Variants in TAFA1 observed in about 807,000 individuals in gnomAD.
TAFA1 encodes the protein TAFA chemokine like family member 1.
A neutral mutation model predicts 18.5 loss-of-function variants in TAFA1; 4 were observed. The ratio of observed to expected loss-of-function variants is 0.22; its 90% CI spans 0.11 to 0.49. The LOEUF (loss-of-function observed/expected upper bound fraction) is 0.49, where lower values mean the gene tolerates loss of function less well. TAFA1 is among the 20% of genes least tolerant of loss of function. The probability of loss-of-function intolerance (pLI) is 0.98; values close to 1 mark genes in which losing one functional copy is unlikely to be tolerated. For synonymous variants in TAFA1, 56 were observed against 55.2 expected (o/e 1.01, Z -0.06); for missense variants, 147 against 169.0 (o/e 0.87, Z 0.72).
At chr3:68,342,929 A>G (rs2069108320) in intron 2 of TAFA1, among the ~76,000 whole-genome samples, 1 of 152,210 alleles carries the variant, frequency 6.6e-6, no homozygotes, top group Non-Finnish European at 1.5e-5. Flanking sequence ...GATTCTTCAC[A>G]CACACAAAGT....
chr3:68,176,971 T>C (rs2066134603), intron 2 of TAFA1, among the ~76,000 whole-genome samples: 1 of 152,156 alleles, frequency 6.6e-6, no homozygotes, highest in South Asian at 2.1e-4. Flanking sequence ...CTTGGTGGCA[T>C]TTGAATTAAG....
intron 2 of TAFA1, among the ~76,000 whole-genome samples, chr3:68,168,884 T>C (rs1306186035): frequency 6.6e-6 from 1 of 152,232 alleles, no homozygotes; most frequent in Non-Finnish European, 1.5e-5. Context: ...CTACCTTCTC[T>C]GAACTTTTGA....
intron 2 of TAFA1, among the ~76,000 whole-genome samples, chr3:68,304,344 T>C (rs4855329): frequency 0.82 from 124,641 of 152,170 alleles, 51,415 homozygotes; most frequent in East Asian, 0.91. Context: ...AAATCTTCTT[T>C]GTAAAGTTTT....
At chr3:68,532,745 G>T (rs372945516) in intron 3 of TAFA1, among the ~76,000 whole-genome samples, 1 of 151,926 alleles carries the variant, frequency 6.6e-6, no homozygotes, top group Non-Finnish European at 1.5e-5. Flanking sequence ...TAACCTGAAG[G>T]TTTTCAGGTA....
At chr3:68,279,859 A>G (rs1337611435) in intron 2 of TAFA1, among the ~76,000 whole-genome samples, 4 of 152,178 alleles carry the variant, frequency 2.6e-5, no homozygotes, top group Admixed American at 2.6e-4. Context: ...GAGAACCATA[A>G]CTTTTGTCAT....
intron 2 of TAFA1, among the ~76,000 whole-genome samples, chr3:68,038,627 C>A (rs188691373): frequency 7.9e-5 from 12 of 151,768 alleles, no homozygotes; most frequent in Admixed American, 7.2e-4. Context: ...AGGGTAGTCA[C>A]ATTTGCTGAA....
chr3:68,246,563 C>G (rs1243644686), intron 2 of TAFA1, among the ~76,000 whole-genome samples: 2 of 120,708 alleles, frequency 1.7e-5, no homozygotes, highest in Non-Finnish European at 3.2e-5. Flanking sequence ...GCACTCCAGC[C>G]TGGGCGACAG....
rs113209465 is a variant in TAFA1, at chr3:68,281,103, T to C, written c.119-136177T>C. Among the ~76,000 whole-genome samples, 1,030 of 152,274 alleles carry C rather than the reference T, an allele frequency of 6.8e-3. 12 individuals are homozygous for C. Among genetic ancestry groups the C allele is most frequent in the African/African-American group, 0.021 (889 of 41,554 alleles). On this transcript the variant is annotated intron_variant, in intron 2 of 4. Transcript: ENST00000478136. ...ATCCATTAAATTTCTAATAAAATAT[T>C]TTACAATAAGTTATCATTTTAATTT...
intron 2 of TAFA1, among the ~76,000 whole-genome samples, chr3:68,291,193 C>G (rs1022370930): frequency 6.6e-6 from 1 of 152,146 alleles, no homozygotes; most frequent in Non-Finnish European, 1.5e-5. Context: ...GAAATAACTT[C>G]AGCTCACATT....
chr3:68,029,103 A>C (rs1425952316), intron 2 of TAFA1, among the ~76,000 whole-genome samples: 1 of 152,076 alleles, frequency 6.6e-6, no homozygotes, highest in East Asian at 1.9e-4. Context: ...CCACCTAGAT[A>C]ATCAAGGGTA....
chr3:68,420,011 ATT>A (rs2070924107), intron 3 of TAFA1, among the ~76,000 whole-genome samples: 1 of 152,136 alleles, frequency 6.6e-6, no homozygotes, highest in African/African-American at 2.4e-5. Context: ...CTTCTCATAA[ATT>A]AGAGAATGAT....
intron 2 of TAFA1, among the ~76,000 whole-genome samples, chr3:68,085,405 A>G (rs2064958901): frequency 6.6e-6 from 1 of 152,218 alleles, no homozygotes; most frequent in Non-Finnish European, 1.5e-5. Flanking sequence ...TTTGAGGAAT[A>G]ACTTGCAGGG....
intron 2 of TAFA1, among the ~76,000 whole-genome samples, chr3:68,015,530 C>T (rs573734564): frequency 6.6e-5 from 10 of 152,216 alleles, no homozygotes; most frequent in East Asian, 1.9e-4. Flanking sequence ...TCAGGTGATC[C>T]GCCCACTTAG....
chr3:68,503,000 A>G (rs9815583), intron 3 of TAFA1, among the ~76,000 whole-genome samples: 2,805 of 152,296 alleles, frequency 0.018, 27 homozygotes, highest in Middle Eastern at 0.037. Flanking sequence ...ATTCTGCCAT[A>G]AAAAGGAATG....
intron 2 of TAFA1, among the ~76,000 whole-genome samples, chr3:68,009,212 A>G (rs1368575297): frequency 6.6e-6 from 1 of 152,200 alleles, no homozygotes; most frequent in Non-Finnish European, 1.5e-5. Context: ...CTCTGTGCGT[A>G]TAATCATGAA....
At chr3:68,197,460 T>TC (rs1248756357) in intron 2 of TAFA1, among the ~76,000 whole-genome samples, 1 of 151,674 alleles carries the variant, frequency 6.6e-6, no homozygotes, top group African/African-American at 2.4e-5. Flanking sequence ...CCTATGGGGT[T>TC]CGGGAAATGC....
At chr3:68,181,218 G>A (rs1281132782) in intron 2 of TAFA1, among the ~76,000 whole-genome samples, 2 of 152,030 alleles carry the variant, frequency 1.3e-5, no homozygotes, top group African/African-American at 4.8e-5. Flanking sequence ...CAGTCAGGTG[G>A]GGCTGGCTAG....
At chr3:68,437,564 G>A (rs553223934) in intron 3 of TAFA1, among the ~76,000 whole-genome samples, 8 of 152,106 alleles carry the variant, frequency 5.3e-5, no homozygotes, top group Middle Eastern at 3.4e-3. Context: ...GCAAGGGGAC[G>A]GAATATGCCA....
intron 2 of TAFA1, among the ~76,000 whole-genome samples, chr3:68,291,481 A>G (rs2068107268): frequency 1.3e-5 from 2 of 152,290 alleles, no homozygotes; most frequent in South Asian, 4.1e-4. Context: ...GTCTAGACTT[A>G]CCCAAGACCA....
Sources: allele counts gnomAD v4.1 joint callset (sites outside exome capture counted in the v4.1 genomes callset), GRCh38; gene constraint gnomAD v4.1.1; transcripts MANE v1.5; gene names NCBI Gene and HGNC (gene_info 2026-07-23, HGNC 2026-07-21).